FKBP5: variants seen among roughly 807,000 people sequenced by gnomAD.
The protein encoded by FKBP5 is peptidyl-prolyl cis-trans isomerase FKBP5.
FKBP5 carries 23 observed loss-of-function variants against 50.5 expected under a neutral mutation model. That is an observed-to-expected ratio of 0.46 (90% CI 0.33 to 0.65). The LOEUF (loss-of-function observed/expected upper bound fraction) is 0.65, where lower values mean the gene tolerates loss of function less well. Ranked by LOEUF, FKBP5 falls within the 30% of genes least tolerant of loss-of-function variation. The pLI, the probability that FKBP5 is intolerant of heterozygous loss-of-function variation, is 0.02. For missense variants in FKBP5, 411 were observed against 553.1 expected (o/e 0.74, Z 2.58); for synonymous variants, 176 against 190.6 (o/e 0.92, Z 0.63).
chr6:35,689,895 C>CA (rs1366135941), upstream of FKBP5, among the ~76,000 whole-genome samples: 1 of 152,122 alleles, frequency 6.6e-6, no homozygotes. Flanking sequence ...GGTAGACTGC[C>CA]AACCAGATGG....
chr6:35,720,939 T>C (rs572132024), intron 1 of FKBP5, among the ~76,000 whole-genome samples: 1 of 152,188 alleles, frequency 6.6e-6, no homozygotes, highest in Non-Finnish European at 1.5e-5. Flanking sequence ...ATTAGGAAAC[T>C]GAGGCTTAAA....
At chr6:35,704,708 GA>G (rs200238708) in intron 2 of FKBP5, among the ~76,000 whole-genome samples, 1 of 100,272 alleles carries the variant, frequency 1.0e-5, no homozygotes, top group East Asian at 3.6e-4. Context: ...ATGACAATAT[GA>G]TTTTTTTTTT....
intron 1 of FKBP5, among the ~76,000 whole-genome samples, chr6:35,680,261 T>C (rs1765631034): frequency 6.6e-6 from 1 of 152,120 alleles, no homozygotes; most frequent in South Asian, 2.1e-4. Flanking sequence ...CAAGACTCTG[T>C]CTCTACAATT....
At chr6:35,647,933 G>C (rs776927254) in intron 1 of FKBP5, among the ~76,000 whole-genome samples, 3 of 152,120 alleles carry the variant, frequency 2.0e-5, no homozygotes, top group African/African-American at 4.8e-5. Flanking sequence ...CTTTTCCTTT[G>C]ATGTCTCTGT....
At chr6:35,693,803 G>C (rs1766040539), upstream of FKBP5, among the ~76,000 whole-genome samples, 1 of 152,184 alleles carries the variant, frequency 6.6e-6, no homozygotes, top group African/African-American at 2.4e-5. Flanking sequence ...TTACAGGTGT[G>C]AGCCACTGTG....
intron 1 of FKBP5, among the ~76,000 whole-genome samples, chr6:35,684,635 T>C (rs1221573551): frequency 6.6e-6 from 1 of 152,322 alleles, no homozygotes; most frequent in East Asian, 1.9e-4. Flanking sequence ...TTAAATGTTT[T>C]GATTCCAGAC....
chr6:35,584,336 G>C, intron 8 of FKBP5: 1 of 985,418 alleles, frequency 1.0e-6, no homozygotes. Flanking sequence ...TCCTACTCAG[G>C]AGAGAGGCTT....
intron 7 of FKBP5, among the ~76,000 whole-genome samples, chr6:35,589,980 T>C (rs1016205881): frequency 6.6e-6 from 1 of 152,166 alleles, no homozygotes; most frequent in Non-Finnish European, 1.5e-5. Flanking sequence ...AAAATATAAA[T>C]GGTCATGTTT....
At chr6:35,713,617 C>T (rs1034151130) in intron 2 of FKBP5, among the ~76,000 whole-genome samples, 9 of 152,186 alleles carry the variant, frequency 5.9e-5, no homozygotes, top group Non-Finnish European at 1.0e-4. Flanking sequence ...TGCTAGCTGG[C>T]GGGTGGGGGC....
rs1418074986 is a variant in FKBP5 at position 35,575,577 on chromosome 6, T to TA, written c.*257dup. Reference sequence around the variant, plus strand: ...GATAGAAACTGAAATGAGCTGGACTTAAGCTGCTGGCTCACTCCCTCCACA... The same window carrying TA: ...GATAGAAACTGAAATGAGCTGGACTTAAAGCTGCTGGCTCACTCCCTCCACA... On this transcript the variant is annotated 3_prime_UTR_variant, in exon 11 of 11. Transcript: ENST00000357266. The TA allele has an allele frequency of 2.0e-5, 9 of 442,886 alleles. No individual in the cohort carries two copies. In the East Asian group the frequency reaches 3.3e-4, roughly 16 times the overall value. 27.4% of individuals were successfully genotyped at this position (442,886 alleles called of 1,614,324 possible). A position where few individuals can be genotyped will look rare whatever the true frequency, so the allele number is the denominator to read the frequency against.
At chr6:35,585,341 T>C (rs2150955463) in intron 8 of FKBP5, 2 of 978,718 alleles carry the variant, frequency 2.0e-6, no homozygotes, top group Non-Finnish European at 2.4e-6. Flanking sequence ...GGAATCTTAC[T>C]TGAATAGTTT....
chr6:35,579,921 T>TA (rs1448097418), intron 9 of FKBP5, 115 bp downstream of exon 9: 42 of 766,924 alleles, frequency 5.5e-5, no homozygotes, highest in South Asian at 1.5e-4. Context: ...TTCAAATAAA[T>TA]AAAAAAAAGC....
intron 1 of FKBP5, among the ~76,000 whole-genome samples, chr6:35,684,245 C>T (rs1052583279): frequency 2.5e-4 from 38 of 150,466 alleles, no homozygotes; most frequent in African/African-American, 8.8e-4. Context: ...ATGGCTTAAT[C>T]ACCGCTCACT....
chr6:35,665,532 G>A (rs1047042942), intron 1 of FKBP5, among the ~76,000 whole-genome samples: 57 of 151,870 alleles, frequency 3.8e-4, no homozygotes, highest in Admixed American at 2.8e-3. Flanking sequence ...TTCATGATCC[G>A]CCCGCCTCGG....
At chr6:35,674,633 C>T (rs149109105) in intron 1 of FKBP5, among the ~76,000 whole-genome samples, 118 of 152,304 alleles carry the variant, frequency 7.7e-4, no homozygotes, top group African/African-American at 2.5e-3. Flanking sequence ...ACAATGTTTG[C>T]GGAACCATTC....
chr6:35,626,098 C>A (rs565347945), intron 3 of FKBP5, among the ~76,000 whole-genome samples: 1 of 152,160 alleles, frequency 6.6e-6, no homozygotes, highest in Admixed American at 6.5e-5. Context: ...TATTCTTACA[C>A]TTGATCTGGA....
intron 5 of FKBP5, among the ~76,000 whole-genome samples, chr6:35,611,064 G>GT (rs1158306214): frequency 6.6e-6 from 1 of 152,150 alleles, no homozygotes; most frequent in Non-Finnish European, 1.5e-5. Context: ...GCCTAAGCCT[G>GT]TTGAGAAGAA....
rs1469104083 is a variant in FKBP5 at position 35,706,438 on chromosome 6, AAAAAG to A, written c.-20+13885_-20+13889del. ...AAACTCTGTCTCAAAAAAAAAAAAA[AAAAAG>A]AAAAGAAAAGAAAAAGAAAAAAGAA... On this transcript the variant is annotated intron_variant, in intron 2 of 11. Transcript: ENST00000536438. Among the ~76,000 whole-genome samples, 527 of 151,370 alleles carry A rather than the reference AAAAAG, an allele frequency of 3.5e-3. 2 individuals are homozygous for A. The highest frequency in any genetic ancestry group is 0.02 in the Middle Eastern group (6 of 294).
In FKBP5 at chr6:35,619,112, T is replaced by G; in HGVS notation, c.492A>C (p.Glu164Asp). 3.1e-6 allele frequency: 5 copies of G among 1,612,666 alleles called. No homozygotes were observed. Among genetic ancestry groups the G allele is most frequent in the Non-Finnish European group, 4.2e-6 (5 of 1,178,694 alleles). Residue 164 changes from glutamate to aspartate, a missense_variant, in exon 5 of 11, where the codon GAA becomes GAC. By Grantham distance (45) the Glu-to-Asp change is conservative. Around this residue, in one of 3 missense-constraint regions of FKBP5, gnomAD observed 267 missense variants for 405.9 expected, o/e 0.66. Transcript: ENST00000357266. ...AATACTTACTTTCTACTGTTGCTCC[T>G]TCGTTTGGATTTGAATATCCCTCTC... ...RKGEGYSNPN[E>D]GATVEIHLEG... is the part of the protein sequence containing the mutation.
Sources: allele counts gnomAD v4.1 joint callset (sites outside exome capture counted in the v4.1 genomes callset), GRCh38; gene constraint gnomAD v4.1.1; regional missense constraint gnomAD v4.1.1; transcripts MANE v1.5; gene names NCBI Gene and HGNC (gene_info 2026-07-23, HGNC 2026-07-21).